MSH3: variants seen among roughly 807,000 people sequenced by gnomAD.
MSH3 encodes mutS homolog 3, also known as DNA mismatch repair protein Msh3.
In MSH3, 106 loss-of-function variants were observed where a neutral mutation model predicts 123.3. The ratio of observed to expected loss-of-function variants is 0.86; its 90% CI spans 0.73 to 1.01. MSH3 has a LOEUF of 1.01. Among genes scored for constraint, MSH3 ranks in the 50% least tolerant of loss-of-function variants. MSH3 has a pLI of 0.00. For missense variants in MSH3, 1,459 were observed against 1,347.6 expected (o/e 1.08, Z -1.29); for synonymous variants, 515 against 481.4 (o/e 1.07, Z -0.91).
chr5:80,717,268 T>TA (rs1347844214), intron 8 of MSH3, among the ~76,000 whole-genome samples: 1 of 152,160 alleles, frequency 6.6e-6, no homozygotes, highest in African/African-American at 2.4e-5. Flanking sequence ...ATTTTTATTA[T>TA]AAAAAATTCT....
At chr5:80,776,926 A>ATT (rs1317745365) in intron 16 of MSH3, among the ~76,000 whole-genome samples, 50 of 126,874 alleles carry the variant, frequency 3.9e-4, no homozygotes, top group Middle Eastern at 3.9e-3. Context: ...ATATATATAT[A>ATT]TATTTTTTTT....
At chr5:80,670,453 A>G in intron 4 of MSH3, 144 bp downstream of exon 4, 2 of 914,840 alleles carry the variant, frequency 2.2e-6, no homozygotes, top group Middle Eastern at 3.4e-4. Context: ...TAAAGTAAAA[A>G]CTAAAAATGA....
chr5:80,710,425 T>A (rs1750836313), intron 8 of MSH3, among the ~76,000 whole-genome samples: 1 of 152,246 alleles, frequency 6.6e-6, no homozygotes, highest in Non-Finnish European at 1.5e-5. Context: ...TTTTGGTTAA[T>A]ATTTTATGAA....
chr5:80,660,572 T>A (rs941104069), intron 2 of MSH3, among the ~76,000 whole-genome samples: 2 of 152,022 alleles, frequency 1.3e-5, no homozygotes, highest in Non-Finnish European at 2.9e-5. Context: ...ACAAGGTAAC[T>A]GTATATTGGA....
At chr5:80,828,539 A>G (rs1745360726) in intron 20 of MSH3, among the ~76,000 whole-genome samples, 1 of 152,238 alleles carries the variant, frequency 6.6e-6, no homozygotes, top group Non-Finnish European at 1.5e-5. Context: ...TTCCATGTTT[A>G]TAGCCCCAAA....
chr5:80,704,367 T>C (rs1303152098), intron 8 of MSH3, among the ~76,000 whole-genome samples: 2 of 152,260 alleles, frequency 1.3e-5, no homozygotes, highest in East Asian at 3.8e-4. Flanking sequence ...CCAGTCCTCA[T>C]GGTGAGATGA....
intron 8 of MSH3, among the ~76,000 whole-genome samples, chr5:80,697,974 C>T (rs1399280810): frequency 6.6e-6 from 1 of 152,072 alleles, no homozygotes; most frequent in Non-Finnish European, 1.5e-5. Flanking sequence ...GTGGCACCAT[C>T]GTGGTTCACT....
At chr5:80,873,768 T>C (rs1207522453) in intron 23 of MSH3, among the ~76,000 whole-genome samples, 1 of 152,192 alleles carries the variant, frequency 6.6e-6, no homozygotes, top group African/African-American at 2.4e-5. Context: ...AAATTTTTCA[T>C]TCTAAACAGG....
At chr5:80,774,406 CAA>C (rs201125276) in intron 15 of MSH3, among the ~76,000 whole-genome samples, 1,248 of 121,764 alleles carry the variant, frequency 0.01, 13 homozygotes, top group African/African-American at 0.034. Flanking sequence ...GGAGGTCCCT[CAA>C]AAAAAAAAAA....
At chr5:80,806,209 C>T (rs1219609793) in intron 19 of MSH3, among the ~76,000 whole-genome samples, 1 of 152,190 alleles carries the variant, frequency 6.6e-6, no homozygotes, top group African/African-American at 2.4e-5. Flanking sequence ...AGTGATTCTC[C>T]TGCCTCAGCC....
At chr5:80,757,920 AT>A (rs1207644829) in intron 12 of MSH3, among the ~76,000 whole-genome samples, 2 of 152,180 alleles carry the variant, frequency 1.3e-5, no homozygotes, top group Non-Finnish European at 2.9e-5. Context: ...GCTTATTTCC[AT>A]TCTGATCTTC....
chr5:80,760,381 C>G (rs1744011160), intron 12 of MSH3, among the ~76,000 whole-genome samples: 1 of 152,152 alleles, frequency 6.6e-6, no homozygotes, highest in Non-Finnish European at 1.5e-5. Context: ...TACATTTAGT[C>G]CATCAGATTT....
At chr5:80,706,999 C>T (rs967462456) in intron 8 of MSH3, among the ~76,000 whole-genome samples, 11 of 152,194 alleles carry the variant, frequency 7.2e-5, no homozygotes, top group African/African-American at 1.7e-4. Context: ...CTTCCCAAAA[C>T]GTTCTCTTTG....
At position 80,729,413 on chromosome 5, in the gene MSH3, C is replaced by CAA. The variant is rs71603562; in HGVS notation, c.1568+464_1568+465dup. ...CCTGGGCGACAGCGAGACTCCGTCCCAAAAAAAAAAAAAAAAATGTGTGTG... is the reference window on the plus strand; with the variant it reads ...CCTGGGCGACAGCGAGACTCCGTCCCAAAAAAAAAAAAAAAAAAATGTGTGTG... On this transcript the variant is annotated intron_variant, in intron 10 of 23. Coordinates refer to ENST00000265081, the MANE Select transcript of MSH3 (RefSeq NM_002439.5). Among the ~76,000 whole-genome samples, 401 of 66,208 alleles carry CAA rather than the reference C, an allele frequency of 6.1e-3. 19 individuals carry two copies. Among genetic ancestry groups the CAA allele is most frequent in the African/African-American group, 0.018 (293 of 16,654 alleles). 43.4% of individuals were successfully genotyped at this position (66,208 alleles called of 152,430 possible).
Position 80,876,801 on chromosome 5 carries a change from T to A in MSH3, c.*939T>A, listed in dbSNP as rs1050267191. 1.3e-5 allele frequency among the ~76,000 whole-genome samples: 2 copies of A among 152,230 alleles called. No homozygotes were observed. Among genetic ancestry groups the A allele is most frequent in the Non-Finnish European group, 2.9e-5 (2 of 68,040 alleles). ...ATTCATTCAAGTAATAAATATTTAA[T>A]GAATACTTGCTATAGATGATGGTAT... is the stretch of plus-strand genomic sequence containing the variant. On this transcript the variant is annotated 3_prime_UTR_variant, in exon 24 of 24. Transcript: ENST00000265081.
At chr5:80,730,595 A>C (rs1743392609) in intron 10 of MSH3, among the ~76,000 whole-genome samples, 1 of 152,172 alleles carries the variant, frequency 6.6e-6, no homozygotes, top group South Asian at 2.1e-4. Context: ...TTTAAGCTCC[A>C]AAAATAAACT....
At position 80,691,937 on chromosome 5, in the gene MSH3, GTA is replaced by G. The variant is rs776799253; in HGVS notation, c.1340+12848_1340+12849del. On this transcript the variant is annotated intron_variant, in intron 8 of 23. Coordinates refer to ENST00000265081, the MANE Select transcript of MSH3 (RefSeq NM_002439.5). ...TGTATATGTTTATATAGATAAACATGTATATGTTTATATAGATAAACATGTAT... is the reference window on the plus strand; with the variant it reads ...TGTATATGTTTATATAGATAAACATGTATGTTTATATAGATAAACATGTAT... 9.0e-5 allele frequency among the ~76,000 whole-genome samples: 7 copies of G among 77,956 alleles called. 1 individual carries two copies. The highest frequency in any genetic ancestry group is 7.4e-4 in the East Asian group (1 of 1,356). The allele number at this position is 77,956 out of a possible 152,430, so 51.1% of individuals were successfully genotyped here.
rs912067816 is a variant in MSH3, at chr5:80,733,372, T to C, written c.1568+4407T>C. Among the ~76,000 whole-genome samples, 15 of 152,180 alleles carry C rather than the reference T, an allele frequency of 9.9e-5. No individual in the cohort carries two copies. In the South Asian group the frequency reaches 1.7e-3, roughly 17 times the overall value. ...GATATGAGTTAACACTGTTATACTC[T>C]TAGAAGAAAACATAGGTGTAAATCT... On this transcript the variant is annotated intron_variant, in intron 10 of 23. Transcript: ENST00000265081.
chr5:80,778,008 G>A (rs1026680880), intron 16 of MSH3, among the ~76,000 whole-genome samples: 1 of 152,140 alleles, frequency 6.6e-6, no homozygotes, highest in African/African-American at 2.4e-5. Flanking sequence ...ATTTAGAGAA[G>A]GTCTGTTTCA....
Sources: gnomAD v4.1 joint callset for allele counts (sites outside exome capture counted in the v4.1 genomes callset) on GRCh38, gnomAD v4.1.1 for gene constraint, MANE v1.5 for transcripts, NCBI Gene and HGNC (gene_info 2026-07-23, HGNC 2026-07-21) for gene names.